Variants in RBFOX2 observed in about 807,000 individuals in gnomAD.
RBFOX2 encodes RNA binding protein fox-1 homolog 2.
A neutral mutation model predicts 49.1 loss-of-function variants in RBFOX2; 10 were observed. That is an observed-to-expected ratio of 0.20 (90% CI 0.13 to 0.35). The LOEUF is 0.35. Among genes scored for constraint, RBFOX2 ranks in the 10% least tolerant of loss-of-function variants. The pLI is 1.00. For synonymous variants in RBFOX2, 183 were observed against 187.4 expected, an observed-to-expected ratio of 0.98 and a Z score of 0.19; for missense variants, 323 against 486.9, an observed-to-expected ratio of 0.66 and a Z score of 3.17.
intron 9 of RBFOX2, among the ~76,000 whole-genome samples, chr22:35,758,628 A>G (rs1198216770): frequency 6.6e-6 from 1 of 152,228 alleles, no homozygotes; most frequent in Admixed American, 6.5e-5. Context: ...AATAAAAGTA[A>G]GTAATGGCAT....
exon 12 of RBFOX2, chr22:35,740,710 G>A (rs1424287956): frequency 6.6e-6 from 1 of 152,392 alleles, no homozygotes; most frequent in African/African-American, 2.4e-5. Flanking sequence ...TCCCTTGGTT[G>A]GCCTTGTTCT....
At chr22:35,894,375 T>G (rs1461813645) in intron 1 of RBFOX2, among the ~76,000 whole-genome samples, 1 of 152,190 alleles carries the variant, frequency 6.6e-6, no homozygotes, top group Non-Finnish European at 1.5e-5. Context: ...TAAAAGCTTA[T>G]GAAAGCTTAT....
At chr22:35,875,608 GTGTGTGT>G (rs2044948872) in intron 1 of RBFOX2, among the ~76,000 whole-genome samples, 1 of 4,484 alleles carries the variant, frequency 2.2e-4, no homozygotes, top group African/African-American at 1.0e-3. Flanking sequence ...GCTCACAAGG[GTGTGTGT>G]GTGTGTGTGT....
chr22:35,912,938 G>C (rs1183644326), intron 1 of RBFOX2, among the ~76,000 whole-genome samples: 1 of 152,172 alleles, frequency 6.6e-6, no homozygotes, highest in Non-Finnish European at 1.5e-5. Context: ...AACAAATGCA[G>C]AATTAAGATG....
chr22:35,818,913 G>A (rs181495950), intron 1 of RBFOX2, among the ~76,000 whole-genome samples: 2 of 152,294 alleles, frequency 1.3e-5, no homozygotes, highest in Admixed American at 1.3e-4. Flanking sequence ...TGGGTATTCT[G>A]TTGTAGTCTA....
chr22:35,876,452 G>GT (rs1281283554), intron 1 of RBFOX2, among the ~76,000 whole-genome samples: 1 of 151,812 alleles, frequency 6.6e-6, no homozygotes, highest in East Asian at 1.9e-4. Context: ...AAAGAGTACT[G>GT]TTTTCCTTGT....
At chr22:35,872,205 C>A (rs2044443956) in intron 1 of RBFOX2, among the ~76,000 whole-genome samples, 2 of 152,116 alleles carry the variant, frequency 1.3e-5, no homozygotes, top group Admixed American at 6.5e-5. Context: ...AGGAAAGGTT[C>A]TCTTGTTCCC....
At chr22:35,857,289 A>C (rs994625895) in intron 1 of RBFOX2, among the ~76,000 whole-genome samples, 13 of 152,232 alleles carry the variant, frequency 8.5e-5, no homozygotes, top group African/African-American at 1.2e-4. Flanking sequence ...GGAACAACCT[A>C]AAGGTGGGGA....
intron 1 of RBFOX2, among the ~76,000 whole-genome samples, chr22:35,973,958 A>G (rs918153808): frequency 6.6e-6 from 1 of 152,206 alleles, no homozygotes; most frequent in African/African-American, 2.4e-5. Flanking sequence ...GAGAGAAATT[A>G]AGACTACATG....
At chr22:35,797,305 T>C (rs1160160858) in intron 2 of RBFOX2, among the ~76,000 whole-genome samples, 2 of 152,160 alleles carry the variant, frequency 1.3e-5, no homozygotes, top group African/African-American at 4.8e-5. Flanking sequence ...GTTTGTCCAT[T>C]AATTGTTCTT....
At chr22:35,764,398 C>G (rs1418652229) in intron 6 of RBFOX2, among the ~76,000 whole-genome samples, 1 of 151,996 alleles carries the variant, frequency 6.6e-6, no homozygotes, top group Non-Finnish European at 1.5e-5. Context: ...TCCTGGCTAA[C>G]ACGGTGAAAC....
intron 1 of RBFOX2, among the ~76,000 whole-genome samples, chr22:35,817,513 AAGAG>A (rs914788006): frequency 6.6e-6 from 1 of 150,386 alleles, no homozygotes; most frequent in African/African-American, 2.4e-5. Flanking sequence ...AATAAATAAA[AAGAG>A]AGCATAGATG....
At position 35,973,658 on chromosome 22, in the gene RBFOX2, T is replaced by C. The variant is rs536882391; in HGVS notation, c.187-34761A>G. The stretch of plus-strand genomic sequence containing the variant: ...AGTTTTTGCCAGGAAGTACACACAG[T>C]ATCTGCTCTTATCTGGAGCCAATGT... On this transcript the variant is annotated intron_variant, in intron 1 of 13. Transcript: ENST00000438146. 3.9e-5 allele frequency among the ~76,000 whole-genome samples: 6 copies of C among 152,340 alleles called. No homozygotes were observed. In the East Asian group the frequency reaches 1.2e-3, roughly 29 times the overall value.
intron 1 of RBFOX2, among the ~76,000 whole-genome samples, chr22:35,921,247 T>C (rs745964730): frequency 8.5e-5 from 13 of 152,228 alleles, no homozygotes; most frequent in East Asian, 3.8e-4. Flanking sequence ...ACTTGGCACA[T>C]AGTCTTCCAT....
intron 9 of RBFOX2, among the ~76,000 whole-genome samples, chr22:35,748,992 C>T (rs140492530): frequency 6.6e-6 from 1 of 152,228 alleles, no homozygotes; most frequent in South Asian, 2.1e-4. Context: ...CTGACAGAAC[C>T]AATTTCCCCT....
At chr22:35,782,872 T>A (rs529860708) in intron 2 of RBFOX2, among the ~76,000 whole-genome samples, 2 of 152,350 alleles carry the variant, frequency 1.3e-5, no homozygotes, top group African/African-American at 4.8e-5. Flanking sequence ...ATTTATTTTT[T>A]AATTTTTTAC....
At chr22:35,896,068 G>A (rs1353243185) in intron 1 of RBFOX2, among the ~76,000 whole-genome samples, 1 of 151,852 alleles carries the variant, frequency 6.6e-6, no homozygotes, top group Non-Finnish European at 1.5e-5. Flanking sequence ...TTGCTTCCCC[G>A]ACCCCTTTCT....
chr22:35,883,560 T>C (rs980632665), intron 1 of RBFOX2, among the ~76,000 whole-genome samples: 4 of 152,214 alleles, frequency 2.6e-5, no homozygotes, highest in African/African-American at 9.6e-5. Context: ...CATCACCCTC[T>C]GCCAACCAGA....
intron 8 of RBFOX2, among the ~76,000 whole-genome samples, chr22:35,760,821 G>C (rs549379715): frequency 6.6e-6 from 1 of 152,268 alleles, no homozygotes; most frequent in South Asian, 2.1e-4. Flanking sequence ...AAGAGAGCTG[G>C]GAATAATCAA....
Sources: allele counts gnomAD v4.1 joint callset (sites outside exome capture counted in the v4.1 genomes callset), GRCh38; gene constraint gnomAD v4.1.1; transcripts MANE v1.5; gene names NCBI Gene and HGNC (gene_info 2026-07-23, HGNC 2026-07-21).